Variants in ATRAID observed in about 807,000 individuals in gnomAD.
The protein encoded by ATRAID is all-trans retinoic acid induced differentiation factor.
A neutral mutation model predicts 28.8 loss-of-function variants in ATRAID; 26 were observed. The ratio of observed to expected loss-of-function variants is 0.90; its 90% confidence interval spans 0.66 to 1.25. The LOEUF is 1.25. ATRAID is among the 50% of genes most tolerant of loss of function. The pLI, the probability that ATRAID is intolerant of heterozygous loss-of-function variation, is 0.00. For missense variants in ATRAID, 308 were observed against 285.9 expected (o/e 1.08, Z -0.56); for synonymous variants, 131 against 108.5 (o/e 1.21, Z -1.29).
intron 1 of ATRAID, chr2:27,212,823 T>C (rs1674648858): frequency 2.0e-6 from 1 of 512,254 alleles, no homozygotes; most frequent in African/African-American, 2.0e-5. Flanking sequence ...TGATGAGTTC[T>C]TTACGTACCT....
chr2:27,212,074 A>G lies in ATRAID; in HGVS notation c.-295A>G, dbSNP rs1458048249. On this transcript the variant is annotated 5_prime_UTR_variant, in exon 1 of 7. Coordinates refer to ENST00000380171, the MANE Select transcript of ATRAID (RefSeq NM_001170795.4). ...GCGAAGCCGCGACCTCGGCGTCCGG[A>G]CGCGGGGAACACCGGGCTGAGGGAG... The G allele has an allele frequency of 7.9e-7, 1 of 1,270,056 alleles. No homozygotes were observed. Among genetic ancestry groups the G allele is most frequent in the East Asian group, 3.0e-5 (1 of 32,898 alleles). 78.7% of individuals were successfully genotyped at this position (1,270,056 alleles called of 1,614,324 possible). A position where few individuals can be genotyped will look rare whatever the true frequency, so the allele number is the denominator to read the frequency against.
At position 27,212,458 on chromosome 2, in the gene ATRAID, G is replaced by C. The variant is rs1256240939; in HGVS notation, c.90G>C (p.Ala30=). 1 of 1,563,070 alleles carries C rather than the reference G, an allele frequency of 6.4e-7. No individual in the cohort carries two copies. The change falls in exon 1 of 7, where the codon GCG becomes GCC. Residue 30 remains alanine, a synonymous_variant. Transcript: ENST00000380171. The stretch of plus-strand genomic sequence containing the variant: ...CTCTGGGCGTGGAAAGGGCTCTGGC[G>C]CTACCCGAGGTACAGAAGCAAGTTT... ...LLALGVERAL[A]LPEICTQCPG...
intron 2 of ATRAID, among the ~76,000 whole-genome samples, chr2:27,213,712 C>A (rs1476234608): frequency 6.6e-6 from 1 of 152,104 alleles, no homozygotes; most frequent in Non-Finnish European, 1.5e-5. Flanking sequence ...CCATACTAGT[C>A]CCAACCCACT....
At chr2:27,213,362 C>G in intron 2 of ATRAID, 64 bp downstream of exon 2, 2 of 1,547,338 alleles carry the variant, frequency 1.3e-6, no homozygotes, top group Admixed American at 4.0e-5. Context: ...GCTTTTATAC[C>G]CTTATATTAT....
intron 1 of ATRAID, 22 bp from the exon 2 acceptor site, chr2:27,213,155 A>C: frequency 6.2e-7 from 1 of 1,605,964 alleles, no homozygotes; most frequent in South Asian, 1.1e-5. Flanking sequence ...CTGGAGTTCT[A>C]ATGTTTCTTT....
Position 27,212,041 on chromosome 2 carries a change from G to A in ATRAID, c.-328G>A. 1 of 912,604 alleles carries A rather than the reference G, an allele frequency of 1.1e-6. No homozygotes were observed. Among genetic ancestry groups the A allele is most frequent in the South Asian group, 1.8e-5 (1 of 57,010 alleles). 56.5% of individuals were successfully genotyped at this position (912,604 alleles called of 1,614,324 possible). A position where few individuals can be genotyped will look rare whatever the true frequency, so the allele number is the denominator to read the frequency against. On this transcript the variant is annotated 5_prime_UTR_variant, in exon 1 of 7. Coordinates refer to ENST00000380171, the MANE Select transcript of ATRAID (RefSeq NM_001170795.4). ...TTACTGAGGGCGGATGGAGGGGCCCGAGTTTCTGCGAAGCCGCGACCTCGG... is the reference window on the plus strand; with the variant it reads ...TTACTGAGGGCGGATGGAGGGGCCCAAGTTTCTGCGAAGCCGCGACCTCGG...
intron 1 of ATRAID, chr2:27,212,745 C>G: frequency 1.1e-6 from 1 of 951,374 alleles, no homozygotes; most frequent in Non-Finnish European, 1.4e-6. Flanking sequence ...TCCTCTGCCT[C>G]TTGTGTAATC....
In ATRAID at chr2:27,215,633, A is replaced by T. The variant is rs1211909158; in HGVS notation, c.367A>T (p.Ile123Leu). ...FRGFTQLQTL[I>L]LPQHVNCPGG... ...TGTTATGACCACATTTCTCTATAGG[A>T]TACTGCCACAACATGTCAACTGTCC... is the stretch of plus-strand genomic sequence containing the variant. Residue 123 changes from isoleucine to leucine, a missense_variant and splice_region_variant, in exon 5 of 7, where the codon ATA becomes TTA. Transcript: ENST00000380171. 1.9e-6 allele frequency: 3 copies of T among 1,614,200 alleles called. No homozygotes were observed. In the Admixed American group the frequency reaches 5.0e-5, roughly 27 times the overall value.
chr2:27,212,557 G>A (rs1052301070), intron 1 of ATRAID, 90 bp downstream of exon 1: 7 of 1,491,722 alleles, frequency 4.7e-6, no homozygotes, highest in African/African-American at 4.3e-5. Flanking sequence ...CTCCTCGGCG[G>A]GCCTGCGGTT....
At chr2:27,212,714 T>G in intron 1 of ATRAID, 1 of 1,241,718 alleles carries the variant, frequency 8.1e-7, no homozygotes, top group South Asian at 1.8e-5. Context: ...AGAATAACTT[T>G]AAGTTCTTTC....
At chr2:27,216,642 C>G (rs1422463192) in intron 6 of ATRAID, 22 bp downstream of exon 6, 2 of 1,591,962 alleles carry the variant, frequency 1.3e-6, no homozygotes, top group Non-Finnish European at 1.7e-6. Context: ...GGCCGTCTAA[C>G]TAGGGATACA....
chr2:27,215,384 T>A lies in ATRAID; in HGVS notation c.285T>A (p.Thr95=), dbSNP rs780385427. Residue 95 remains threonine, a synonymous_variant, in exon 3 of 7, where the codon ACT becomes ACA. Coordinates refer to ENST00000380171, the MANE Select transcript of ATRAID (RefSeq NM_001170795.4). The part of the protein sequence containing the change: ...PGPNFHQAHT[T]VIIDLQANPL... The stretch of plus-strand genomic sequence containing the variant: ...CAAACTTTCATCAGGCACATACCAC[T>A]GTCATCATGTAAGTAGTTAGGTACC... The A allele has an allele frequency of 5.0e-6, 8 of 1,614,194 alleles. No homozygotes were observed. The highest frequency in any genetic ancestry group is 6.8e-6 in the Non-Finnish European group (8 of 1,180,026).
chr2:27,213,164 TTC>T lies in ATRAID; in HGVS notation c.100-9_100-8del, dbSNP rs1674673613. ...TTCTTTCTGGAGTTCTAATGTTTCT[TTC>T]TCTTCTGCAGATATGCACCCAATGT... On this transcript the variant is annotated splice_polypyrimidine_tract_variant and intron_variant, in intron 1 of 6. Coordinates refer to ENST00000380171, the MANE Select transcript of ATRAID (RefSeq NM_001170795.4). 1.2e-6 allele frequency: 2 copies of T among 1,609,326 alleles called. No homozygotes were observed. The highest frequency in any genetic ancestry group is 1.7e-6 in the Non-Finnish European group (2 of 1,176,906).
intron 4 of ATRAID, 28 bp downstream of exon 4, chr2:27,215,573 A>G: frequency 6.2e-7 from 1 of 1,614,196 alleles, no homozygotes; most frequent in Non-Finnish European, 8.5e-7. Flanking sequence ...AAGAGAATCA[A>G]AGAGGGATGA....
Position 27,215,729 on chromosome 2 carries a change from C to A in ATRAID, c.463C>A (p.Leu155Ile), listed in dbSNP as rs746665801. ...DNQICQGQKN[L>I]CNNTGDPEMC... is the part of the protein sequence containing the mutation. ...CCAAATCTGTCAAGGGCAAAAGAAC[C>A]TTTGCAATAACACTGGGGACCCAGG... Residue 155 changes from leucine (L) to isoleucine (I), a missense_variant, in exon 5 of 7, where the codon CTT becomes ATT. Coordinates refer to ENST00000380171, the MANE Select transcript of ATRAID (RefSeq NM_001170795.4). 6.2e-7 allele frequency: 1 copy of A among 1,614,186 alleles called. No homozygotes were observed. The highest frequency in any genetic ancestry group is 8.5e-7 in the Non-Finnish European group (1 of 1,180,012).
Position 27,213,302 on chromosome 2 carries a change from A to AG in ATRAID, c.221+8dup. The AG allele has an allele frequency of 6.2e-7, 1 of 1,612,506 alleles. No homozygotes were observed. Among genetic ancestry groups the AG allele is most frequent in the Non-Finnish European group, 8.5e-7 (1 of 1,178,704 alleles). On this transcript the variant is annotated splice_donor_region_variant and intron_variant, in intron 2 of 6. Transcript: ENST00000380171. ...ATCAGAAGGGCACCATCTTGGGGTGAGGGGAAGACATCCCTAGATGCTGGA... is the reference window on the plus strand; with the variant it reads ...ATCAGAAGGGCACCATCTTGGGGTGAGGGGGAAGACATCCCTAGATGCTGGA...
At position 27,212,218 on chromosome 2, in the gene ATRAID, A is replaced by T. The variant is rs969637389; in HGVS notation, c.-151A>T. The T allele has an allele frequency of 1.3e-6, 2 of 1,559,148 alleles. No homozygotes were observed. The highest frequency in any genetic ancestry group is 1.7e-6 in the Non-Finnish European group (2 of 1,151,924). Reference sequence around the variant, plus strand: ...GGCTAGGGCGCATGAAGACCAGCGCAGAGCTCCACGAGCAGGAAAAGCCCC... The same window carrying T: ...GGCTAGGGCGCATGAAGACCAGCGCTGAGCTCCACGAGCAGGAAAAGCCCC... On this transcript the variant is annotated 5_prime_UTR_variant, in exon 1 of 7. Transcript: ENST00000380171.
At position 27,212,814 on chromosome 2, in the gene ATRAID, G is replaced by C. The variant is rs1674648002; in HGVS notation, c.99+347G>C. 3 of 547,472 alleles carry C rather than the reference G, an allele frequency of 5.5e-6. No homozygotes were observed. The South Asian group carries it at 7.9e-5, about 15-fold the overall frequency. The allele number at this position is 547,472 out of a possible 1,614,324, so 33.9% of individuals were successfully genotyped here. A position where few individuals can be genotyped will look rare whatever the true frequency, so the allele number is the denominator to read the frequency against. ...GTAGGGCTGTACTTTTGTAATGCTTGATGAGTTCTTTACGTACCTGCGGTC... is the reference window on the plus strand; with the variant it reads ...GTAGGGCTGTACTTTTGTAATGCTTCATGAGTTCTTTACGTACCTGCGGTC... On this transcript the variant is annotated intron_variant, in intron 1 of 6. Coordinates refer to ENST00000380171, the MANE Select transcript of ATRAID (RefSeq NM_001170795.4).
chr2:27,216,662 T>A (rs201214418), intron 6 of ATRAID, 42 bp downstream of exon 6: 8 of 1,553,824 alleles, frequency 5.1e-6, no homozygotes, highest in Non-Finnish European at 7.1e-6. Flanking sequence ...AAGGAATGCA[T>A]AGAGCAAGTC....
Sources: allele counts gnomAD v4.1 joint callset (sites outside exome capture counted in the v4.1 genomes callset), GRCh38; gene constraint gnomAD v4.1.1; transcripts MANE v1.5; gene names NCBI Gene and HGNC (gene_info 2026-07-23, HGNC 2026-07-21).